Variants in KSR2 observed in about 807,000 individuals in gnomAD.
KSR2 encodes the protein kinase suppressor of ras 2.
Under a neutral mutation model 107.8 loss-of-function variants are expected in KSR2, and 25 were observed. The observed-to-expected ratio is 0.23, with a 90% CI of 0.17 to 0.32. The LOEUF (loss-of-function observed/expected upper bound fraction) is 0.32. Ranked by LOEUF, KSR2 falls within the 10% of genes least tolerant of loss-of-function variation. The probability of loss-of-function intolerance (pLI) is 1.00; values close to 1 mark genes in which losing one functional copy is unlikely to be tolerated. For missense variants in KSR2, 887 were observed against 1,268.9 expected (o/e 0.70, Z 4.57); for synonymous variants, 480 against 507.0 (o/e 0.95, Z 0.71).
rs544760269 is a variant in KSR2 at position 117,517,472 on chromosome 12, C to T, written c.2219+7380G>A. Among the ~76,000 whole-genome samples the T allele has an allele frequency of 3.9e-5, 6 of 152,320 alleles. No individual in the cohort carries two copies. The South Asian group carries it at 1.2e-3, about 32-fold the overall frequency. Reference sequence around the variant, plus strand: ...TTTTTTAAAGTGATGACAGATGTCACACGTGCTAATTCAGGATCTTTGAGA... The same window carrying T: ...TTTTTTAAAGTGATGACAGATGTCATACGTGCTAATTCAGGATCTTTGAGA... On this transcript the variant is annotated intron_variant, in intron 14 of 19. Coordinates refer to ENST00000339824, the MANE Select transcript of KSR2 (RefSeq NM_173598.6).
chr12:117,586,355 G>A (rs11068554), intron 5 of KSR2, among the ~76,000 whole-genome samples: 28,949 of 152,034 alleles, frequency 0.19, 3,585 homozygotes, highest in African/African-American at 0.34. Context: ...GGGAGGCCAA[G>A]GCAGGTGGAT....
At chr12:117,894,507 A>C (rs1462484817) in intron 1 of KSR2, among the ~76,000 whole-genome samples, 1 of 152,098 alleles carries the variant, frequency 6.6e-6, no homozygotes, top group African/African-American at 2.4e-5. Flanking sequence ...CCTAAAAAAA[A>C]ATTAATAAAA....
At chr12:117,484,265 G>A (rs1872332974) in intron 16 of KSR2, 151 bp downstream of exon 16, 2 of 818,420 alleles carry the variant, frequency 2.4e-6, no homozygotes, top group Non-Finnish European at 3.8e-6. Flanking sequence ...CAGGGCCTTG[G>A]CATCCCACAT....
chr12:117,748,373 T>G (rs1365656729), intron 4 of KSR2, among the ~76,000 whole-genome samples: 1 of 152,196 alleles, frequency 6.6e-6, no homozygotes, highest in South Asian at 2.1e-4. Context: ...TCAGATCTAT[T>G]GCACAGCATG....
At chr12:117,879,729 GA>G (rs1168314014) in intron 1 of KSR2, among the ~76,000 whole-genome samples, 2 of 150,654 alleles carry the variant, frequency 1.3e-5, no homozygotes, top group Non-Finnish European at 3.0e-5. Flanking sequence ...AAACAAAAAA[GA>G]AAAAAAACTG....
At chr12:117,838,790 T>C (rs1892347016) in intron 3 of KSR2, among the ~76,000 whole-genome samples, 1 of 152,204 alleles carries the variant, frequency 6.6e-6, no homozygotes, top group Non-Finnish European at 1.5e-5. Flanking sequence ...GACTTAGACA[T>C]GTATGTATTT....
chr12:117,889,829 C>A (rs1894287009), intron 1 of KSR2: 2 of 152,198 alleles, frequency 1.3e-5, no homozygotes, highest in African/African-American at 4.8e-5. Flanking sequence ...TTACTAAAAT[C>A]TAGTGGGTAG....
Position 117,689,096 on chromosome 12 carries a change from C to T in KSR2, c.987-21438G>A, listed in dbSNP as rs557502528. Among the ~76,000 whole-genome samples, 3 of 152,272 alleles carry T rather than the reference C, an allele frequency of 2.0e-5. No homozygotes were observed. In the South Asian group the frequency reaches 6.2e-4, roughly 32 times the overall value. ...TTCTGTGACCATAACTACCTAATAC[C>T]AACATACAATGAATATGTCCAAACA... On this transcript the variant is annotated intron_variant, in intron 4 of 19. Coordinates refer to ENST00000339824, the MANE Select transcript of KSR2 (RefSeq NM_173598.6).
chr12:117,750,136 G>A (rs1888561085), intron 4 of KSR2, among the ~76,000 whole-genome samples: 1 of 151,644 alleles, frequency 6.6e-6, no homozygotes, highest in Admixed American at 6.6e-5. Flanking sequence ...TGTAATCTCA[G>A]CTATTCAGGA....
At position 117,529,914 on chromosome 12, in the gene KSR2, G is replaced by A. The variant is rs369428629; in HGVS notation, c.1802+1027C>T. 1.6e-4 allele frequency among the ~76,000 whole-genome samples: 25 copies of A among 152,128 alleles called. No individual in the cohort carries two copies. In the South Asian group the frequency reaches 3.3e-3, roughly 20 times the overall value. Reference sequence around the variant, plus strand: ...CACACACCTGTAATCCCAGCTACTCGGGAGGCTGAGCTGGGAGGATCATTT... The same window carrying A: ...CACACACCTGTAATCCCAGCTACTCAGGAGGCTGAGCTGGGAGGATCATTT... On this transcript the variant is annotated intron_variant, in intron 12 of 19. Coordinates refer to ENST00000339824, the MANE Select transcript of KSR2 (RefSeq NM_173598.6).
chr12:117,695,833 G>A (rs1019471233), intron 4 of KSR2, among the ~76,000 whole-genome samples: 1 of 152,116 alleles, frequency 6.6e-6, no homozygotes, highest in Non-Finnish European at 1.5e-5. Context: ...GTGGGGAAGA[G>A]AGAGAAAGAC....
intron 17 of KSR2, among the ~76,000 whole-genome samples, chr12:117,476,156 A>C (rs1871761615): frequency 6.6e-6 from 1 of 152,270 alleles, no homozygotes; most frequent in Non-Finnish European, 1.5e-5. Context: ...ACAACACTGA[A>C]TCTTGTATCC....
At chr12:117,506,644 A>T (rs1042039608) in intron 14 of KSR2, among the ~76,000 whole-genome samples, 4 of 152,176 alleles carry the variant, frequency 2.6e-5, no homozygotes, top group African/African-American at 9.7e-5. Flanking sequence ...AGTGACAGAG[A>T]TGGGGCTGCA....
chr12:117,629,591 T>C (rs1313358458), intron 5 of KSR2, among the ~76,000 whole-genome samples: 1 of 152,212 alleles, frequency 6.6e-6, no homozygotes, highest in African/African-American at 2.4e-5. Flanking sequence ...GTTATCTGAC[T>C]CAGTCACTAG....
intron 3 of KSR2, among the ~76,000 whole-genome samples, chr12:117,812,681 T>A (rs1000853996): frequency 6.6e-6 from 1 of 152,142 alleles, no homozygotes; most frequent in East Asian, 1.9e-4. Flanking sequence ...AGATATCCCA[T>A]GTTCATAGAA....
chr12:117,601,723 T>C (rs1246343257), intron 5 of KSR2, among the ~76,000 whole-genome samples: 1 of 152,202 alleles, frequency 6.6e-6, no homozygotes, highest in African/African-American at 2.4e-5. Context: ...AGAATAAATG[T>C]TGTCCTAAGC....
intron 4 of KSR2, among the ~76,000 whole-genome samples, chr12:117,722,799 G>A (rs552387436): frequency 3.2e-4 from 49 of 152,146 alleles, no homozygotes; most frequent in Non-Finnish European, 5.3e-4. Context: ...TTTCTTGCCC[G>A]AGATCTAAGA....
At chr12:117,572,083 G>T (rs1417398121) in intron 7 of KSR2, among the ~76,000 whole-genome samples, 1 of 152,108 alleles carries the variant, frequency 6.6e-6, no homozygotes, top group Non-Finnish European at 1.5e-5. Context: ...CTCTCCCCCA[G>T]TCCCTGCCTG....
At chr12:117,541,851 C>T (rs1224637385) in intron 9 of KSR2, among the ~76,000 whole-genome samples, 1 of 152,070 alleles carries the variant, frequency 6.6e-6, no homozygotes, top group Admixed American at 6.6e-5. Flanking sequence ...GTCAGTGAGT[C>T]TCTCCTTATC....
Sources: allele counts gnomAD v4.1 joint callset (sites outside exome capture counted in the v4.1 genomes callset), GRCh38; gene constraint gnomAD v4.1.1; transcripts MANE v1.5; gene names NCBI Gene and HGNC (gene_info 2026-07-23, HGNC 2026-07-21).